MS4A13: variants seen among roughly 807,000 people sequenced by gnomAD.
MS4A13 encodes the protein membrane-spanning 4-domains subfamily A member 13.
Under a neutral mutation model 18.4 loss-of-function variants are expected in MS4A13, and 21 were observed. That is an observed-to-expected ratio of 1.14 (90% confidence interval 0.81 to 1.64). MS4A13 has a LOEUF of 1.64. Among genes scored for constraint, MS4A13 ranks in the 40% most tolerant of loss-of-function variants. The pLI is 0.00. For missense variants in MS4A13, 173 were observed against 176.8 expected, an observed-to-expected ratio of 0.98 and a Z score of 0.12; for synonymous variants, 62 against 57.2, an observed-to-expected ratio of 1.08 and a Z score of -0.38.
At chr11:60,541,934 AC>A (rs1405674408) in intron 6 of MS4A13, among the ~76,000 whole-genome samples, 1 of 152,054 alleles carries the variant, frequency 6.6e-6, no homozygotes, top group Non-Finnish European at 1.5e-5. Flanking sequence ...CCCCGTCTCT[AC>A]TAAAAATACA....
Position 60,518,200 on chromosome 11 carries a change from A to T in MS4A13, c.117A>T (p.Leu39Phe). The T allele has an allele frequency of 6.2e-7, 1 of 1,609,594 alleles. No individual in the cohort carries two copies. Among genetic ancestry groups the T allele is most frequent in the Non-Finnish European group, 8.5e-7 (1 of 1,177,622 alleles). Reference sequence around the variant, plus strand: ...TAACTTACAAAACAGGATGTACTTTATGGGGAATTTTTGTGAGTAGAATAC... The same window carrying T: ...TAACTTACAAAACAGGATGTACTTTTTGGGGAATTTTTGTGAGTAGAATAC... The part of the protein sequence containing the change: ...EPVTYKTGCT[L>F]WGIFFIIAGV... Residue 39 changes from leucine (L) to phenylalanine (F), a missense_variant, in exon 3 of 7, where the codon TTA becomes TTT. Leu to Phe is a conservative substitution (Grantham distance 22, BLOSUM62 0). Coordinates refer to ENST00000378186, the MANE Select transcript of MS4A13 (RefSeq NM_001012417.3).
chr11:60,539,084 G>T (rs2086835516), intron 6 of MS4A13, among the ~76,000 whole-genome samples: 1 of 139,968 alleles, frequency 7.1e-6, no homozygotes. Flanking sequence ...GCCCAGGACA[G>T]CCAACAACTT....
intron 6 of MS4A13, among the ~76,000 whole-genome samples, chr11:60,539,716 A>G (rs2086841152): frequency 6.6e-6 from 1 of 152,120 alleles, no homozygotes; most frequent in Non-Finnish European, 1.5e-5. Flanking sequence ...AAAAATAAAA[A>G]CAAGACTCTT....
At chr11:60,527,969 C>T (rs972373329) in intron 5 of MS4A13, among the ~76,000 whole-genome samples, 4 of 152,178 alleles carry the variant, frequency 2.6e-5, no homozygotes, top group African/African-American at 9.7e-5. Flanking sequence ...TTTCTGCCAA[C>T]AAAAGTAAAT....
chr11:60,524,120 T>C (rs907511104), intron 4 of MS4A13, among the ~76,000 whole-genome samples, 167 bp downstream of exon 4: 1 of 152,122 alleles, frequency 6.6e-6, no homozygotes, highest in Admixed American at 6.5e-5. Context: ...TATAGACAAA[T>C]ATACTGTATT....
chr11:60,542,245 A>G (rs113271976), intron 6 of MS4A13, among the ~76,000 whole-genome samples: 1 of 105,642 alleles, frequency 9.5e-6, no homozygotes, highest in Non-Finnish European at 2.2e-5. Context: ...GGAAGGAGAA[A>G]GAAAAAGAGA....
chr11:60,521,231 C>G (rs2086672028), intron 3 of MS4A13, among the ~76,000 whole-genome samples: 1 of 152,214 alleles, frequency 6.6e-6, no homozygotes, highest in Non-Finnish European at 1.5e-5. Flanking sequence ...TCAGACATGC[C>G]CTGGAGACAT....
chr11:60,525,280 A>C lies in MS4A13; in HGVS notation c.260A>C (p.Glu87Ala). 2 of 1,590,250 alleles carry C rather than the reference A, an allele frequency of 1.3e-6. No homozygotes were observed. Among genetic ancestry groups the C allele is most frequent in the East Asian group, 2.3e-5 (1 of 44,360 alleles). ...ACTGCAGTAACTCTAACAATAATAG[A>C]GTTGTCTCATTTTAATTCTGTGTCA... ...TITAVTLTII[E>A]LSHFNSVSYR... is the part of the protein sequence containing the mutation. The change falls in exon 5 of 7, where the codon GAG becomes GCG. Residue 87 changes from glutamate to alanine, a missense_variant. Glu to Ala is a moderately radical substitution (Grantham distance 107, BLOSUM62 -1). Transcript: ENST00000378186.
rs2086694104 is a variant in MS4A13 at position 60,523,855 on chromosome 11, A to G, written c.130-42A>G. 3 of 1,109,708 alleles carry G rather than the reference A, an allele frequency of 2.7e-6. No individual in the cohort carries two copies. The South Asian group carries it at 3.9e-5, about 15-fold the overall frequency. The allele number at this position is 1,109,708 out of a possible 1,614,324, so 68.7% of individuals were successfully genotyped here. A position where few individuals can be genotyped will look rare whatever the true frequency, so the allele number is the denominator to read the frequency against. On this transcript the variant is annotated intron_variant, in intron 3 of 6. Coordinates refer to ENST00000378186, the MANE Select transcript of MS4A13 (RefSeq NM_001012417.3). ...ATTAAAAGTACATTCTAAATTGGCAAGCATTATCAATGAGTATTTATAAAT... is the reference window on the plus strand; with the variant it reads ...ATTAAAAGTACATTCTAAATTGGCAGGCATTATCAATGAGTATTTATAAAT...
intron 5 of MS4A13, among the ~76,000 whole-genome samples, chr11:60,528,366 A>C (rs183496706): frequency 1.3e-3 from 194 of 152,308 alleles, no homozygotes; most frequent in African/African-American, 4.3e-3. Context: ...CCACTTTATG[A>C]AGCCTTCCCA....
At position 60,523,900 on chromosome 11, in the gene MS4A13, A is replaced by G; in HGVS notation, c.133A>G (p.Ile45Val). 2 of 1,506,522 alleles carry G rather than the reference A, an allele frequency of 1.3e-6. No individual in the cohort carries two copies. The highest frequency in any genetic ancestry group is 9.2e-7 in the Non-Finnish European group (1 of 1,083,954). The allele number at this position is 1,506,522 out of a possible 1,614,324, so 93.3% of individuals were successfully genotyped here. ...ATAAATATGTTTTTATATCCAGTTT[A>G]TCATTGCAGGAGTCTTCCTAATAAG... Reference protein sequence around the residue: ...TGCTLWGIFFIIAGVFLIRVT... With the variant: ...TGCTLWGIFFVIAGVFLIRVT... Residue 45 changes from isoleucine to valine, a missense_variant, in exon 4 of 7, where the codon ATC becomes GTC. By Grantham distance (29) the Ile-to-Val change is conservative. Transcript: ENST00000378186.
intron 6 of MS4A13, 84 bp from the exon 7 acceptor site, chr11:60,542,435 T>C: frequency 1.1e-6 from 1 of 898,758 alleles, no homozygotes; most frequent in Non-Finnish European, 1.7e-6. Context: ...GTATTACCTG[T>C]ATTTTTTAAG....
At chr11:60,525,359 T>G (rs781305032) in intron 5 of MS4A13, 33 bp downstream of exon 5, 1 of 1,410,992 alleles carries the variant, frequency 7.1e-7, no homozygotes, top group South Asian at 1.4e-5. Context: ...ACATATTAAT[T>G]TTAAAATTAT....
intron 5 of MS4A13, among the ~76,000 whole-genome samples, chr11:60,528,998 G>C (rs71488478): frequency 1.2e-3 from 179 of 152,298 alleles, no homozygotes; most frequent in Non-Finnish European, 1.9e-3. Context: ...TGATAAATCT[G>C]TTGGTGGCCA....
chr11:60,522,309 C>T (rs2135251741), intron 3 of MS4A13, among the ~76,000 whole-genome samples: 1 of 150,090 alleles, frequency 6.7e-6, no homozygotes, highest in Admixed American at 6.7e-5. Flanking sequence ...TAAAAATCAC[C>T]AAATATTAAG....
intron 5 of MS4A13, among the ~76,000 whole-genome samples, chr11:60,527,690 G>A (rs1590874982): frequency 6.6e-6 from 1 of 151,878 alleles, no homozygotes; most frequent in African/African-American, 2.4e-5. Flanking sequence ...ACAAAAGTTA[G>A]CTGGGCATGG....
chr11:60,517,203 C>G (rs1044796659), intron 2 of MS4A13, among the ~76,000 whole-genome samples: 2 of 151,628 alleles, frequency 1.3e-5, no homozygotes, highest in Non-Finnish European at 2.9e-5. Flanking sequence ...AACAAAACTT[C>G]TCCAAAATGT....
At chr11:60,525,367 T>A in intron 5 of MS4A13, 41 bp downstream of exon 5, 1 of 1,362,540 alleles carries the variant, frequency 7.3e-7, no homozygotes, top group Non-Finnish European at 9.8e-7. Context: ...ATTTTAAAAT[T>A]ATTCTTTTTA....
chr11:60,527,702 G>A (rs991126953), intron 5 of MS4A13, among the ~76,000 whole-genome samples: 1 of 151,978 alleles, frequency 6.6e-6, no homozygotes, highest in Non-Finnish European at 1.5e-5. Flanking sequence ...TGGGCATGGC[G>A]GTGGGCACCT....
Sources: gnomAD v4.1 joint callset for allele counts (sites outside exome capture counted in the v4.1 genomes callset) on GRCh38, gnomAD v4.1.1 for gene constraint, MANE v1.5 for transcripts, NCBI Gene and HGNC (gene_info 2026-07-23, HGNC 2026-07-21) for gene names.